Variants in NHLRC2 observed in about 807,000 individuals in gnomAD.
The protein encoded by NHLRC2 is NHL repeat-containing protein 2.
NHLRC2 carries 33 observed loss-of-function variants against 68.1 expected under a neutral mutation model. That is an observed-to-expected ratio of 0.48 (90% confidence interval 0.37 to 0.65). The LOEUF is 0.65. NHLRC2 is among the 30% of genes least tolerant of loss of function. The pLI, the probability that NHLRC2 is intolerant of heterozygous loss-of-function variation, is 0.00. For missense variants in NHLRC2, 761 were observed against 853.8 expected (o/e 0.89, Z 1.35); for synonymous variants, 311 against 309.6 (o/e 1.00, Z -0.05).
rs1846328738 is a variant in NHLRC2 at position 113,911,501 on chromosome 10, A to G, written c.*2965A>G. On this transcript the variant is annotated 3_prime_UTR_variant, in exon 11 of 11. Transcript: ENST00000369301. ...AGAAAAAAAAATTTACTATGTGTATATTTATATAGGTGTGTGTATACACAA... is the reference window on the plus strand; with the variant it reads ...AGAAAAAAAAATTTACTATGTGTATGTTTATATAGGTGTGTGTATACACAA... The G allele has an allele frequency of 6.6e-6, 1 of 152,110 alleles. No individual in the cohort carries two copies. Among genetic ancestry groups the G allele is most frequent in the Non-Finnish European group, 1.5e-5 (1 of 67,976 alleles). The allele number at this position is 152,110 out of a possible 1,614,324, so 9.4% of individuals were successfully genotyped here.
At chr10:113,880,124 T>G (rs1480291152) in intron 4 of NHLRC2, among the ~76,000 whole-genome samples, 1 of 152,074 alleles carries the variant, frequency 6.6e-6, no homozygotes, top group African/African-American at 2.4e-5. Context: ...ACTTGTTTGA[T>G]TTTATTATGT....
chr10:113,884,366 T>G lies in NHLRC2; in HGVS notation c.1025T>G (p.Val342Gly). Reference sequence around the variant, plus strand: ...CCCATTAGTTCCCCTTGGGATGTAGTTTTTGGAACATCAGGTATGTGAACT... The same window carrying G: ...CCCATTAGTTCCCCTTGGGATGTAGGTTTTGGAACATCAGGTATGTGAACT... ...QQPISSPWDV[V>G]FGTSGSEVQR... The change falls in exon 5 of 11, where the codon GTT (valine) becomes GGT (glycine). Residue 342 changes from valine (V) to glycine (G), a missense_variant. By Grantham distance (109) the Val-to-Gly change is moderately radical (BLOSUM62 -3). Transcript: ENST00000369301. 1 of 1,605,288 alleles carries G rather than the reference T, an allele frequency of 6.2e-7. No individual in the cohort carries two copies. The highest frequency in any genetic ancestry group is 8.5e-7 in the Non-Finnish European group (1 of 1,174,002).
At chr10:113,905,067 A>G (rs1288657945) in intron 10 of NHLRC2, 31 bp downstream of exon 10, 1 of 1,074,358 alleles carries the variant, frequency 9.3e-7, no homozygotes, top group Middle Eastern at 2.1e-4. Flanking sequence ...ATACTAATAC[A>G]TCATATATTC....
At position 113,911,882 on chromosome 10, in the gene NHLRC2, T is replaced by C. The variant is rs1336493490; in HGVS notation, c.*3346T>C. ...ATTTTAATTCTACTTTGCTGTTTTT[T>C]TTTTCTTTTCAGTGAGCAATCTGTT... is the stretch of plus-strand genomic sequence containing the variant. On this transcript the variant is annotated 3_prime_UTR_variant, in exon 11 of 11. Coordinates refer to ENST00000369301, the MANE Select transcript of NHLRC2 (RefSeq NM_198514.4). The C allele has an allele frequency of 6.6e-6, 1 of 152,038 alleles. No homozygotes were observed. The highest frequency in any genetic ancestry group is 2.4e-5 in the African/African-American group (1 of 41,458). 9.4% of individuals were successfully genotyped at this position (152,038 alleles called of 1,614,324 possible). A position where few individuals can be genotyped will look rare whatever the true frequency, so the allele number is the denominator to read the frequency against.
At chr10:113,871,736 T>C (rs997609316) in intron 2 of NHLRC2, among the ~76,000 whole-genome samples, 4 of 152,294 alleles carry the variant, frequency 2.6e-5, no homozygotes, top group East Asian at 3.9e-4. Flanking sequence ...TGGAGGAGGA[T>C]GGTGGCTACC....
At chr10:113,882,925 A>G (rs1203863176) in intron 4 of NHLRC2, among the ~76,000 whole-genome samples, 5 of 151,864 alleles carry the variant, frequency 3.3e-5, no homozygotes, top group Non-Finnish European at 4.4e-5. Flanking sequence ...CAGTTACCCC[A>G]GAAACATTTG....
intron 5 of NHLRC2, among the ~76,000 whole-genome samples, chr10:113,896,350 G>C (rs1488811655): frequency 6.6e-6 from 1 of 152,000 alleles, no homozygotes; most frequent in Non-Finnish European, 1.5e-5. Flanking sequence ...AAAAGGATGA[G>C]TTCATGTCCT....
In NHLRC2 at chr10:113,909,469, C is replaced by T. The variant is rs1232414906; in HGVS notation, c.*933C>T. On this transcript the variant is annotated 3_prime_UTR_variant, in exon 11 of 11. Transcript: ENST00000369301. The stretch of plus-strand genomic sequence containing the variant: ...TTAGGTTTTGAGGTTTTTTTCGTTC[C>T]CATATTCAGAATTTAAATTATGATC... 6.6e-6 allele frequency: 1 copy of T among 151,580 alleles called. No homozygotes were observed. The highest frequency in any genetic ancestry group is 1.5e-5 in the Non-Finnish European group (1 of 67,858). 9.4% of individuals were successfully genotyped at this position (151,580 alleles called of 1,614,324 possible).
At chr10:113,872,467 T>C (rs1286335120) in intron 2 of NHLRC2, among the ~76,000 whole-genome samples, 2 of 151,982 alleles carry the variant, frequency 1.3e-5, no homozygotes, top group Admixed American at 1.3e-4. Context: ...AGAGTTAAAA[T>C]GCTGATACAA....
rs574698532 is a variant in NHLRC2, at chr10:113,857,483, G to A, written c.179-1045G>A. 2.4e-4 allele frequency among the ~76,000 whole-genome samples: 37 copies of A among 152,070 alleles called. No individual in the cohort carries two copies. The East Asian group carries it at 7.1e-3, about 29-fold the overall frequency. On this transcript the variant is annotated intron_variant, in intron 1 of 10. Coordinates refer to ENST00000369301, the MANE Select transcript of NHLRC2 (RefSeq NM_198514.4). ...TTTTCTAGAATTTTGTTATGATTGAGTAACAACAGTTATTGTTGTTAATCA... is the reference window on the plus strand; with the variant it reads ...TTTTCTAGAATTTTGTTATGATTGAATAACAACAGTTATTGTTGTTAATCA...
At chr10:113,903,875 A>G (rs555256630) in intron 9 of NHLRC2, 139 bp downstream of exon 9, 1 of 617,830 alleles carries the variant, frequency 1.6e-6, no homozygotes. Flanking sequence ...ATTCTTTGAC[A>G]AAGAGACCAG....
rs372996245 is a variant in NHLRC2 at position 113,899,887 on chromosome 10, C to A, written c.1139+1678C>A. On this transcript the variant is annotated intron_variant, in intron 6 of 10. Coordinates refer to ENST00000369301, the MANE Select transcript of NHLRC2 (RefSeq NM_198514.4). Reference sequence around the variant, plus strand: ...TGAGCTGAGATTGTGCCACTGCACTCCAGCCAGGACGACAGAGTGAGACTC... The same window carrying A: ...TGAGCTGAGATTGTGCCACTGCACTACAGCCAGGACGACAGAGTGAGACTC... Among the ~76,000 whole-genome samples the A allele has an allele frequency of 8.6e-4, 131 of 151,934 alleles. 3 individuals are homozygous for A. In the South Asian group the frequency reaches 0.026, roughly 30 times the overall value.
chr10:113,887,800 A>G lies in NHLRC2; in HGVS notation c.1039+3420A>G, dbSNP rs534180499. ...AAAAACAAAAAGAAAATGTATATCT[A>G]TACACTGGAATACTATACAGCTTTA... On this transcript the variant is annotated intron_variant, in intron 5 of 10. Coordinates refer to ENST00000369301, the MANE Select transcript of NHLRC2 (RefSeq NM_198514.4). 1.4e-4 allele frequency among the ~76,000 whole-genome samples: 22 copies of G among 152,278 alleles called. 1 individual carries two copies. The highest frequency in any genetic ancestry group is 3.3e-4 in the Admixed American group (5 of 15,290).
Position 113,914,735 on chromosome 10 carries a change from C to A in NHLRC2, c.*6199C>A, listed in dbSNP as rs916278678. The A allele has an allele frequency of 1.5e-5, 4 of 268,472 alleles. No individual in the cohort carries two copies. In the Admixed American group the frequency reaches 1.5e-4, roughly 10 times the overall value. The allele number at this position is 268,472 out of a possible 1,614,324, so 16.6% of individuals were successfully genotyped here. On this transcript the variant is annotated 3_prime_UTR_variant, in exon 11 of 11. Transcript: ENST00000369301. ...AGCACCAAGATTACCTTTTCTTCCC[C>A]CTGTGGCACAGTTTATTTAAATGAA...
At position 113,913,554 on chromosome 10, in the gene NHLRC2, G is replaced by T. The variant is rs931307708; in HGVS notation, c.*5018G>T. On this transcript the variant is annotated 3_prime_UTR_variant, in exon 11 of 11. Coordinates refer to ENST00000369301, the MANE Select transcript of NHLRC2 (RefSeq NM_198514.4). ...TGCTGTTTCAAAAGTTGTTTTAAAA[G>T]TTCTAACGGTTGGTCTTCAAAACGT... The T allele has an allele frequency of 3.9e-5, 6 of 152,118 alleles. No homozygotes were observed. Among genetic ancestry groups the T allele is most frequent in the Admixed American group, 3.9e-4 (6 of 15,280 alleles). The allele number at this position is 152,118 out of a possible 1,614,324, so 9.4% of individuals were successfully genotyped here.
Position 113,903,668 on chromosome 10 carries a change from T to C in NHLRC2, c.1636T>C (p.Leu546=). The C allele has an allele frequency of 1.2e-6, 2 of 1,604,950 alleles. No individual in the cohort carries two copies. The highest frequency in any genetic ancestry group is 1.7e-6 in the Non-Finnish European group (2 of 1,171,754). ...GTGTATTGGAGAGAATGGAGAATTATTATATGTAGCAGACACCAATAATCA... is the reference window on the plus strand; with the variant it reads ...GTGTATTGGAGAGAATGGAGAATTACTATATGTAGCAGACACCAATAATCA... ...GLCIGENGEL[L]YVADTNNHQI... Residue 546 remains leucine, a synonymous_variant, in exon 9 of 11, where the codon TTA becomes CTA. Coordinates refer to ENST00000369301, the MANE Select transcript of NHLRC2 (RefSeq NM_198514.4).
rs1390925788 is a variant in NHLRC2 at position 113,913,302 on chromosome 10, C to A, written c.*4766C>A. 6.6e-6 allele frequency: 1 copy of A among 152,088 alleles called. No individual in the cohort carries two copies. The highest frequency in any genetic ancestry group is 1.5e-5 in the Non-Finnish European group (1 of 68,020). The allele number at this position is 152,088 out of a possible 1,614,324, so 9.4% of individuals were successfully genotyped here. On this transcript the variant is annotated 3_prime_UTR_variant, in exon 11 of 11. Coordinates refer to ENST00000369301, the MANE Select transcript of NHLRC2 (RefSeq NM_198514.4). ...CTTTATATATTTATAGTAACTTAAT[C>A]CAAAGAACCCCAAAAGTACTAGCAA...
At chr10:113,888,623 T>A (rs1413675050) in intron 5 of NHLRC2, among the ~76,000 whole-genome samples, 1 of 152,174 alleles carries the variant, frequency 6.6e-6, no homozygotes, top group Admixed American at 6.5e-5. Context: ...AAAATTACAT[T>A]TTATCTGTGT....
Position 113,865,281 on chromosome 10 carries a change from TCCCCC to T in NHLRC2, c.331+6608_331+6612del, listed in dbSNP as rs762900102. Among the ~76,000 whole-genome samples, 159 of 109,294 alleles carry T rather than the reference TCCCCC, an allele frequency of 1.5e-3. 1 individual carries two copies. The highest frequency in any genetic ancestry group is 5.4e-3 in the African/African-American group (153 of 28,414). The allele number at this position is 109,294 out of a possible 152,430, so 71.7% of individuals were successfully genotyped here. Reference sequence around the variant, plus strand: ...AGAGGTTTTTAAAAATCGCTTTTCATCCCCCCCCCCCGTTCCTCTCACCATATAAT... The same window carrying T: ...AGAGGTTTTTAAAAATCGCTTTTCATCCCCCCGTTCCTCTCACCATATAAT... On this transcript the variant is annotated intron_variant, in intron 2 of 10. Coordinates refer to ENST00000369301, the MANE Select transcript of NHLRC2 (RefSeq NM_198514.4).
Sources: allele counts gnomAD v4.1 joint callset (sites outside exome capture counted in the v4.1 genomes callset), GRCh38; gene constraint gnomAD v4.1.1; transcripts MANE v1.5; gene names NCBI Gene and HGNC (gene_info 2026-07-23, HGNC 2026-07-21).